The following NAA38 variants were observed in gnomAD, a reference collection of about 807,000 sequenced individuals.
The protein encoded by NAA38 is N-alpha-acetyltransferase 38, NatC auxiliary subunit.
NAA38 carries 15 observed loss-of-function variants against 12.6 expected under a neutral mutation model. The ratio of observed to expected loss-of-function variants is 1.19; its 90% CI spans 0.79 to 1.83. The LOEUF is 1.83. Ranked by LOEUF, NAA38 falls within the 40% of genes most tolerant of loss-of-function variation. The pLI, the probability that NAA38 is intolerant of heterozygous loss-of-function variation, is 0.00. For missense variants in NAA38, 183 were observed against 171.7 expected (o/e 1.07, Z -0.37); for synonymous variants, 88 against 69.9 (o/e 1.26, Z -1.29).
chr17:7,859,804 T>C (rs2078869594), upstream of NAA38: 4 of 586,740 alleles, frequency 6.8e-6, no homozygotes, highest in South Asian at 4.1e-5. Context: ...CTGAGAAAAT[T>C]AGTGAATTAA....
At chr17:7,876,500 T>TTTCTTATC (rs1967177564) in intron 2 of NAA38, among the ~76,000 whole-genome samples, 1 of 152,158 alleles carries the variant, frequency 6.6e-6, no homozygotes, top group Admixed American at 6.5e-5. Flanking sequence ...TACTAAATTC[T>TTTCTTATC]TTCTTATCCC....
At chr17:7,858,138 C>T (rs2078847373), upstream of NAA38, 3 of 1,613,348 alleles carry the variant, frequency 1.9e-6, no homozygotes, top group East Asian at 6.7e-5. Flanking sequence ...AAGAGCCATG[C>T]CGCGCCGGGG....
intron 2 of NAA38, among the ~76,000 whole-genome samples, chr17:7,874,729 T>C (rs988776725): frequency 2.0e-5 from 3 of 151,092 alleles, no homozygotes; most frequent in Non-Finnish European, 2.9e-5. Context: ...CTACTAAAAA[T>C]ACAAAAATTA....
chr17:7,884,885 G>A, intron 1 of NAA38: 1 of 1,363,552 alleles, frequency 7.3e-7, no homozygotes, highest in Non-Finnish European at 9.8e-7. Context: ...GGAGGAAGAA[G>A]AGGGCGACGA....
At chr17:7,858,796 C>G, upstream of NAA38, 1 of 1,565,208 alleles carries the variant, frequency 6.4e-7, no homozygotes, top group Non-Finnish European at 8.7e-7. Flanking sequence ...ATCATTAACA[C>G]GCTCACGTCG....
At chr17:7,872,688 ATCCATC>A (rs1251642578) in intron 2 of NAA38, among the ~76,000 whole-genome samples, 3 of 152,192 alleles carry the variant, frequency 2.0e-5, no homozygotes, top group Non-Finnish European at 4.4e-5. Flanking sequence ...TCACTATTTA[ATCCATC>A]TGAAAACTAC....
rs994038267 is a variant in NAA38, at chr17:7,856,744, G to A, written c.365C>T (p.Pro122Leu). 9.3e-6 allele frequency: 15 copies of A among 1,613,774 alleles called. No individual in the cohort carries two copies. Among genetic ancestry groups the A allele is most frequent in the East Asian group, 2.2e-5 (1 of 44,894 alleles). Reference sequence around the variant, plus strand: ...GCGCCATCGTGGTCAGAGATACGGAGGCCCGGTCAGACTCTCCCTCTGCAC... The same window carrying A: ...GCGCCATCGTGGTCAGAGATACGGAAGCCCGGTCAGACTCTCCCTCTGCAC... The part of the protein sequence containing the change: ...IEVQRESLTG[P>L]PYL Residue 122 changes from proline (P) to leucine (L), a missense_variant, in exon 3 of 3, where the codon CCT (proline) becomes CTT (leucine). Pro to Leu is a moderately conservative substitution (Grantham distance 98). Coordinates refer to ENST00000575771, the MANE Select transcript of NAA38 (RefSeq NM_001320925.4).
intron 1 of NAA38, chr17:7,885,075 C>A: frequency 1.0e-6 from 1 of 987,704 alleles, no homozygotes; most frequent in Non-Finnish European, 1.2e-6. Flanking sequence ...CCGCCGCCCC[C>A]GCCGCCAGGT....
intron 2 of NAA38, among the ~76,000 whole-genome samples, chr17:7,880,805 C>G (rs567583353): frequency 2.9e-4 from 44 of 152,334 alleles, no homozygotes; most frequent in African/African-American, 9.1e-4. Context: ...TTGCTGGCAT[C>G]AGACCACTTA....
intron 2 of NAA38, chr17:7,877,017 A>C (rs755415760): frequency 8.5e-6 from 3 of 355,026 alleles, no homozygotes; most frequent in Non-Finnish European, 1.7e-5. Context: ...ACTACATTAC[A>C]TCTACTGATT....
chr17:7,877,695 ACT>A (rs1246051351), intron 2 of NAA38, among the ~76,000 whole-genome samples: 1 of 152,112 alleles, frequency 6.6e-6, no homozygotes, highest in Non-Finnish European at 1.5e-5. Flanking sequence ...GAGAAGTGGA[ACT>A]CTGTGTCAAA....
rs375659768 is a variant in NAA38 at position 7,856,823 on chromosome 17, G to T, written c.286C>A (p.Pro96Thr). The change falls in exon 3 of 3, where the codon CCC becomes ACC. Residue 96 changes from proline to threonine, a missense_variant. Physicochemically the swap from Pro to Thr is conservative, Grantham distance 38 (BLOSUM62 -1). Transcript: ENST00000575771. ...KPSDSFSAGE[P>T]RVLGLAMVPG... ...ACCATGGCCAGGCCCAGCACACGGG[G>T]CTCCCCGGCAGAGAAGGAATCTGGA... 6.2e-7 allele frequency: 1 copy of T among 1,613,836 alleles called. No homozygotes were observed. The highest frequency in any genetic ancestry group is 1.1e-5 in the South Asian group (1 of 91,082).
At chr17:7,881,735 G>A (rs1967275918) in intron 2 of NAA38, among the ~76,000 whole-genome samples, 1 of 150,600 alleles carries the variant, frequency 6.6e-6, no homozygotes, top group South Asian at 2.1e-4. Flanking sequence ...ACAAGCAGAA[G>A]GGCAAGAGAA....
At chr17:7,884,071 AACACACACACACACACACAC>A (rs149257134) in intron 1 of NAA38, among the ~76,000 whole-genome samples, 1 of 148,550 alleles carries the variant, frequency 6.7e-6, no homozygotes, top group Non-Finnish European at 1.5e-5. Flanking sequence ...ATGCCCCCCC[AACACACACACACACACACAC>A]ACACTTCAGT....
At chr17:7,859,263 TCCCGGGGCC>T, upstream of NAA38, 1 of 756,272 alleles carries the variant, frequency 1.3e-6, no homozygotes, top group Admixed American at 2.7e-5. Context: ...AGCTTTTTTT[TCCCGGGGCC>T]GTAGAGTACC....
upstream of NAA38, chr17:7,857,575 C>T (rs1298017907): frequency 2.1e-6 from 3 of 1,401,480 alleles, no homozygotes; most frequent in African/African-American, 2.9e-5. Context: ...ATCCCCTCTC[C>T]TCCCCCTCCT....
chr17:7,859,263 T>C (rs1301810822), upstream of NAA38: 6 of 756,274 alleles, frequency 7.9e-6, no homozygotes, highest in Middle Eastern at 3.7e-4. Flanking sequence ...AGCTTTTTTT[T>C]CCCGGGGCCG....
intron 2 of NAA38, among the ~76,000 whole-genome samples, chr17:7,867,273 T>TTA (rs993107516): frequency 2.0e-5 from 3 of 152,040 alleles, no homozygotes; most frequent in African/African-American, 7.2e-5. Flanking sequence ...TATTTTTTTT[T>TTA]AATTGAGACA....
chr17:7,881,117 C>T (rs891603868), intron 2 of NAA38, among the ~76,000 whole-genome samples: 1 of 152,116 alleles, frequency 6.6e-6, no homozygotes, highest in African/African-American at 2.4e-5. Flanking sequence ...TTCTCTGGAG[C>T]AGTATCCAGG....
Sources: gnomAD v4.1 joint callset for allele counts (sites outside exome capture counted in the v4.1 genomes callset) on GRCh38, gnomAD v4.1.1 for gene constraint, MANE v1.5 for transcripts, NCBI Gene and HGNC (gene_info 2026-07-23, HGNC 2026-07-21) for gene names.